PRKCI: variants seen among roughly 807,000 people sequenced by gnomAD.
The protein encoded by PRKCI is protein kinase C iota, also known as protein kinase C iota type.
A neutral mutation model predicts 84.0 loss-of-function variants in PRKCI; 43 were observed. The observed-to-expected ratio is 0.51, with a 90% CI of 0.40 to 0.66. PRKCI has a LOEUF of 0.66. Ranked by LOEUF, PRKCI falls within the 30% of genes least tolerant of loss-of-function variation. PRKCI has a pLI of 0.00. For synonymous variants in PRKCI, 216 were observed against 234.4 expected (o/e 0.92, Z 0.72); for missense variants, 459 against 745.6 (o/e 0.62, Z 4.48).
chr3:170,249,004 C>T (rs1270079498), intron 2 of PRKCI, among the ~76,000 whole-genome samples: 2 of 152,000 alleles, frequency 1.3e-5, no homozygotes, highest in African/African-American at 4.8e-5. Context: ...CCCGCCGCCA[C>T]GCTTGGCTAA....
intron 2 of PRKCI, among the ~76,000 whole-genome samples, chr3:170,241,351 C>T (rs897693331): frequency 2.6e-5 from 4 of 152,196 alleles, no homozygotes; most frequent in Admixed American, 6.5e-5. Context: ...ATCTAACCCA[C>T]TCCCTCCAGC....
intron 8 of PRKCI, among the ~76,000 whole-genome samples, chr3:170,279,710 A>C (rs544174459): frequency 6.6e-6 from 1 of 152,182 alleles, no homozygotes; most frequent in African/African-American, 2.4e-5. Flanking sequence ...ACGCCTCTGA[A>C]TGTGTGCTCT....
intron 2 of PRKCI, among the ~76,000 whole-genome samples, chr3:170,249,752 A>G (rs1035219064): frequency 1.3e-5 from 2 of 151,820 alleles, no homozygotes; most frequent in Non-Finnish European, 2.9e-5. Flanking sequence ...AACCAAGATC[A>G]TGCCACTGCA....
chr3:170,284,073 G>A (rs1734316775), intron 11 of PRKCI, among the ~76,000 whole-genome samples: 2 of 151,880 alleles, frequency 1.3e-5, no homozygotes, highest in Non-Finnish European at 2.9e-5. Context: ...TAGCCTTCTC[G>A]GAGGATCACG....
chr3:170,258,526 G>A (rs1315378188), intron 2 of PRKCI, among the ~76,000 whole-genome samples: 4 of 151,820 alleles, frequency 2.6e-5, no homozygotes, highest in Non-Finnish European at 5.9e-5. Context: ...GGCTGGTCTC[G>A]AACTCCTGAC....
chr3:170,295,226 AAG>A (rs1171937424), intron 14 of PRKCI, among the ~76,000 whole-genome samples: 2 of 151,596 alleles, frequency 1.3e-5, no homozygotes, highest in African/African-American at 2.4e-5. Flanking sequence ...AAAAAGAAAA[AAG>A]AAATTTAAAG....
At chr3:170,265,341 G>A in intron 4 of PRKCI, among the ~76,000 whole-genome samples, 1 of 152,174 alleles carries the variant, frequency 6.6e-6, no homozygotes, top group Non-Finnish European at 1.5e-5. Flanking sequence ...CCCAGGTCAG[G>A]AATTGTTAAC....
chr3:170,229,064 A>G (rs978974260), intron 1 of PRKCI, among the ~76,000 whole-genome samples: 5 of 151,914 alleles, frequency 3.3e-5, no homozygotes, highest in Non-Finnish European at 7.4e-5. Flanking sequence ...ATTATTTTTT[A>G]TGGCTGTCTC....
rs1273877231 is a variant in PRKCI, at chr3:170,304,352, C to A, written c.*1225C>A. ...TCAAATGAGGCACTCATTATTGTTA[C>A]CAAACTTGTAAAAGCATTCCATGTA... is the stretch of plus-strand genomic sequence containing the variant. On this transcript the variant is annotated 3_prime_UTR_variant, in exon 18 of 18. Transcript: ENST00000295797. The A allele has an allele frequency of 1.3e-5, 2 of 152,078 alleles. No homozygotes were observed. The highest frequency in any genetic ancestry group is 2.9e-5 in the Non-Finnish European group (2 of 68,012). The allele number at this position is 152,078 out of a possible 1,614,324, so 9.4% of individuals were successfully genotyped here. A position where few individuals can be genotyped will look rare whatever the true frequency, so the allele number is the denominator to read the frequency against.
intron 1 of PRKCI, among the ~76,000 whole-genome samples, chr3:170,228,767 A>G (rs1244667529): frequency 6.6e-6 from 1 of 152,116 alleles, no homozygotes; most frequent in Non-Finnish European, 1.5e-5. Flanking sequence ...ACATGTTTGT[A>G]TCATGTAGCC....
intron 11 of PRKCI, 63 bp from the exon 12 acceptor site, chr3:170,284,398 C>T (rs1734323052): frequency 1.1e-5 from 15 of 1,324,814 alleles, no homozygotes; most frequent in South Asian, 1.1e-4. Flanking sequence ...TTTGTGTTTC[C>T]AGTTGTAAAT....
intron 2 of PRKCI, among the ~76,000 whole-genome samples, chr3:170,256,106 A>G (rs1221201009): frequency 6.6e-6 from 1 of 152,164 alleles, no homozygotes. Context: ...GGATTTTTGC[A>G]TCAATGTTCA....
chr3:170,231,220 C>T (rs879712433), intron 1 of PRKCI, among the ~76,000 whole-genome samples: 2 of 151,788 alleles, frequency 1.3e-5, no homozygotes, highest in African/African-American at 4.8e-5. Context: ...CTCGGCCTCC[C>T]GGAGTGTTGA....
chr3:170,261,883 T>G (rs1432999526), intron 3 of PRKCI, among the ~76,000 whole-genome samples: 1 of 152,232 alleles, frequency 6.6e-6, no homozygotes, highest in Non-Finnish European at 1.5e-5. Flanking sequence ...CTATTTTTTT[T>G]GTCATCTCTT....
intron 13 of PRKCI, 47 bp from the exon 14 acceptor site, chr3:170,293,336 A>G: frequency 6.5e-7 from 1 of 1,537,880 alleles, no homozygotes; most frequent in Non-Finnish European, 8.8e-7. Context: ...ACTAACTTTC[A>G]AGAATGCAAA....
At position 170,227,132 on chromosome 3, in the gene PRKCI, T is replaced by C. The variant is rs187484449; in HGVS notation, c.101+4362T>C. On this transcript the variant is annotated intron_variant, in intron 1 of 17. Transcript: ENST00000295797. ...CTCCCCACAGGTCCTTAGTTCATGA[T>C]GGCTTTCTAATGCAACTGCAGCCCT... Among the ~76,000 whole-genome samples the C allele has an allele frequency of 2.3e-3, 347 of 152,350 alleles. 1 individual carries two copies. The highest frequency in any genetic ancestry group is 3.4e-3 in the Non-Finnish European group (229 of 68,038).
chr3:170,265,803 GGTTTT>G (rs1733845241), intron 4 of PRKCI, among the ~76,000 whole-genome samples: 1 of 151,510 alleles, frequency 6.6e-6, no homozygotes, highest in African/African-American at 2.4e-5. Flanking sequence ...GTAGAGATGG[GGTTTT>G]GTATTTTTAG....
Position 170,225,572 on chromosome 3 carries a change from CTTTT to C in PRKCI, c.101+2813_101+2816del, listed in dbSNP as rs149893996. On this transcript the variant is annotated intron_variant, in intron 1 of 17. Transcript: ENST00000295797. ...CTCTATCCCTCTACACTTTTCTTTT[CTTTT>C]TTTTTTTTTTAAATAGAGACAAGGT... Among the ~76,000 whole-genome samples, 560 of 142,764 alleles carry C rather than the reference CTTTT, an allele frequency of 3.9e-3. 2 individuals are homozygous for C. The highest frequency in any genetic ancestry group is 0.014 in the African/African-American group (540 of 39,214). 93.7% of individuals were successfully genotyped at this position (142,764 alleles called of 152,430 possible).
intron 13 of PRKCI, 74 bp downstream of exon 13, chr3:170,292,015 A>G: frequency 1.0e-6 from 1 of 996,930 alleles, no homozygotes; most frequent in South Asian, 1.3e-5. Flanking sequence ...ATTGCATTAC[A>G]GTACACTAAT....
Sources: allele counts gnomAD v4.1 joint callset (sites outside exome capture counted in the v4.1 genomes callset), GRCh38; gene constraint gnomAD v4.1.1; transcripts MANE v1.5; gene names NCBI Gene and HGNC (gene_info 2026-07-23, HGNC 2026-07-21).